The following DMRTC2 variants were observed in gnomAD, a reference collection of about 807,000 sequenced individuals.
DMRTC2 encodes doublesex- and mab-3-related transcription factor C2.
In DMRTC2, 13 loss-of-function variants were observed where a neutral mutation model predicts 39.9. The ratio of observed to expected loss-of-function variants is 0.33; its 90% CI spans 0.21 to 0.52. DMRTC2 has a LOEUF of 0.52. DMRTC2 is among the 20% of genes least tolerant of loss of function. The pLI is 0.96. For synonymous variants in DMRTC2, 189 were observed against 185.2 expected (o/e 1.02, Z -0.17); for missense variants, 431 against 472.8 (o/e 0.91, Z 0.82).
rs577669914 is a variant in DMRTC2 at position 41,845,642 on chromosome 19, C to T, written c.-5+541C>T. Among the ~76,000 whole-genome samples the T allele has an allele frequency of 3.3e-5, 5 of 152,310 alleles. No homozygotes were observed. In the South Asian group the frequency reaches 1.0e-3, roughly 32 times the overall value. On this transcript the variant is annotated intron_variant, in intron 1 of 8. Transcript: ENST00000269945. ...AGGAGTTCAAGACCAGCCTGGCCAA[C>T]ATGGTGAAACCCCATCTCTACTAAA...
intron 8 of DMRTC2, chr19:41,851,061 G>A (rs1555837288): frequency 3.8e-6 from 1 of 264,812 alleles, no homozygotes; most frequent in African/African-American, 2.2e-5. Context: ...GGTCTGATAA[G>A]TGCCTTCAAG....
chr19:41,848,097 G>A (rs191666076), intron 3 of DMRTC2, among the ~76,000 whole-genome samples: 13 of 152,252 alleles, frequency 8.5e-5, no homozygotes, highest in Admixed American at 4.6e-4. Context: ...CCTGTAATCC[G>A]AGCACTTTGG....
intron 4 of DMRTC2, 80 bp from the exon 5 acceptor site, chr19:41,848,715 G>T (rs782275818): frequency 2.5e-6 from 4 of 1,601,904 alleles, no homozygotes; most frequent in Non-Finnish European, 3.4e-6. Flanking sequence ...AAGTTTTGGG[G>T]TTCTGCCCGT....
Position 41,847,763 on chromosome 19 carries a change from G to T in DMRTC2, c.252G>T (p.Gln84His), listed in dbSNP as rs781834567. ...AGCGCCGCAGGGTCATGGCTGCCCA[G>T]GTGGCCTTGCGTAGGCAGCAGGAGG... ...ILERRRVMAA[Q>H]VALRRQQEAQ... is the part of the protein sequence containing the mutation. The change falls in exon 3 of 9, where the codon CAG (glutamine) becomes CAT (histidine). Residue 84 changes from glutamine to histidine, a missense_variant. By Grantham distance (24) the Gln-to-His change is conservative (BLOSUM62 0). Coordinates refer to ENST00000269945, the MANE Select transcript of DMRTC2 (RefSeq NM_001040283.3). The T allele has an allele frequency of 3.1e-6, 5 of 1,613,902 alleles. No homozygotes were observed. In the African/African-American group the frequency reaches 5.3e-5, roughly 17 times the overall value.
intron 1 of DMRTC2, among the ~76,000 whole-genome samples, chr19:41,846,942 G>A (rs1413480945): frequency 2.6e-5 from 4 of 151,800 alleles, no homozygotes; most frequent in East Asian, 4.0e-4. Context: ...TTGGGAGGCC[G>A]AGACAGGCAG....
chr19:41,850,263 G>A (rs1227480593), intron 6 of DMRTC2, 49 bp from the exon 7 acceptor site: 3 of 1,431,232 alleles, frequency 2.1e-6, no homozygotes, highest in Admixed American at 2.6e-5. Context: ...ATGTGTGCAT[G>A]TCTGTTCATC....
intron 1 of DMRTC2, among the ~76,000 whole-genome samples, chr19:41,845,684 GGGCGT>G: frequency 6.6e-6 from 1 of 152,294 alleles, no homozygotes; most frequent in South Asian, 2.1e-4. Flanking sequence ...AAAATTAGAC[GGGCGT>G]GGTGGCACAG....
Position 41,849,202 on chromosome 19 carries a change from T to C in DMRTC2, c.701T>C (p.Val234Ala), listed in dbSNP as rs782531854. ...ACCACCTGCCCAGGATCTCACCCAGTACTGACAGCTCCTCTTTCTGGAGAG... is the reference window on the plus strand; with the variant it reads ...ACCACCTGCCCAGGATCTCACCCAGCACTGACAGCTCCTCTTTCTGGAGAG... The part of the protein sequence containing the change: ...PFTTCPGSHP[V>A]LTAPLSGEPQ... The change falls in exon 6 of 9, where the codon GTA becomes GCA. Residue 234 changes from valine (V) to alanine (A), a missense_variant. Val to Ala is a moderately conservative substitution (Grantham distance 64, BLOSUM62 0). Coordinates refer to ENST00000269945, the MANE Select transcript of DMRTC2 (RefSeq NM_001040283.3). 9.3e-6 allele frequency: 15 copies of C among 1,614,130 alleles called. No homozygotes were observed. In the Admixed American group the frequency reaches 2.3e-4, roughly 25 times the overall value.
intron 7 of DMRTC2, 74 bp from the exon 8 acceptor site, chr19:41,850,452 C>T: frequency 6.4e-7 from 1 of 1,574,170 alleles, no homozygotes; most frequent in South Asian, 1.2e-5. Context: ...CTGAAGGAAG[C>T]AGGGGCTGAG....
At chr19:41,847,969 G>A in intron 3 of DMRTC2, 88 bp downstream of exon 3, 2 of 1,476,442 alleles carry the variant, frequency 1.4e-6, no homozygotes, top group Non-Finnish European at 1.8e-6. Flanking sequence ...TGCTGAATTG[G>A]TGTACGACCT....
At position 41,848,540 on chromosome 19, in the gene DMRTC2, C is replaced by A; in HGVS notation, c.447+12C>A. The A allele has an allele frequency of 6.4e-7, 1 of 1,560,426 alleles. No homozygotes were observed. Reference sequence around the variant, plus strand: ...CACCCCCCGGGAAGGTAAGGAGAGGCTGGGGCCTGAGAAAGTGTCCCCCAC... The same window carrying A: ...CACCCCCCGGGAAGGTAAGGAGAGGATGGGGCCTGAGAAAGTGTCCCCCAC... On this transcript the variant is annotated intron_variant, in intron 4 of 8. Coordinates refer to ENST00000269945, the MANE Select transcript of DMRTC2 (RefSeq NM_001040283.3).
At chr19:41,845,780 T>C (rs1356506956) in intron 1 of DMRTC2, among the ~76,000 whole-genome samples, 1 of 152,064 alleles carries the variant, frequency 6.6e-6, no homozygotes, top group Non-Finnish European at 1.5e-5. Context: ...TGAGCCGGGA[T>C]TGCACTACTG....
rs2073881367 is a variant in DMRTC2 at position 41,847,454 on chromosome 19, G to A, written c.26G>A (p.Gly9Asp). The change falls in exon 2 of 9, where the codon GGC (glycine) becomes GAC (aspartate). Residue 9 changes from glycine to aspartate, a missense_variant. Coordinates refer to ENST00000269945, the MANE Select transcript of DMRTC2 (RefSeq NM_001040283.3). ...ATGGAACCCAGTGACATGCCTGCTG[G>A]CTACCACTGCCCCTTAGACTCTGCC... MEPSDMPA[G>D]YHCPLDSAPW... is the part of the protein sequence containing the mutation. The A allele has an allele frequency of 6.3e-7, 1 of 1,582,944 alleles. No individual in the cohort carries two copies. The highest frequency in any genetic ancestry group is 1.4e-5 in the African/African-American group (1 of 73,880).
At chr19:41,847,294 G>C in intron 1 of DMRTC2, 131 bp from the exon 2 acceptor site, 1 of 1,363,992 alleles carries the variant, frequency 7.3e-7, no homozygotes, top group Non-Finnish European at 9.4e-7. Flanking sequence ...GAGAAAGCTG[G>C]GAAAGAAGCC....
At chr19:41,845,825 T>C (rs2073825159) in intron 1 of DMRTC2, among the ~76,000 whole-genome samples, 1 of 149,712 alleles carries the variant, frequency 6.7e-6, no homozygotes, top group South Asian at 2.1e-4. Flanking sequence ...AGACTCCATC[T>C]CAAAACAAAA....
chr19:41,850,799 G>GA, intron 8 of DMRTC2, 99 bp downstream of exon 8: 1 of 1,324,588 alleles, frequency 7.5e-7, no homozygotes, highest in Non-Finnish European at 1.0e-6. Flanking sequence ...TCGACAGGTT[G>GA]AACGTCTTCA....
intron 1 of DMRTC2, among the ~76,000 whole-genome samples, chr19:41,847,055 C>T (rs1219355054): frequency 1.3e-5 from 2 of 151,622 alleles, no homozygotes; most frequent in South Asian, 2.1e-4. Flanking sequence ...CATGGTGGCT[C>T]TTGCCTGTAA....
At chr19:41,849,355 G>A (rs193112246) in intron 6 of DMRTC2, 99 bp downstream of exon 6, 517 of 1,512,796 alleles carry the variant, frequency 3.4e-4, no homozygotes, top group Non-Finnish European at 4.2e-4. Context: ...AAGATGAAAA[G>A]GTCTCTGACT....
chr19:41,850,693 C>G lies in DMRTC2; in HGVS notation c.984C>G (p.Gly328=), dbSNP rs782609411. 3 of 1,572,894 alleles carry G rather than the reference C, an allele frequency of 1.9e-6. No individual in the cohort carries two copies. The highest frequency in any genetic ancestry group is 2.6e-6 in the Non-Finnish European group (3 of 1,161,162). ...PAWISLLHPC[G]PPAPAGGRGF... Reference sequence around the variant, plus strand: ...GGATCTCCCTGCTTCACCCCTGTGGCCCACCAGGTGGGCCATGAAAGGAGA... The same window carrying G: ...GGATCTCCCTGCTTCACCCCTGTGGGCCACCAGGTGGGCCATGAAAGGAGA... Residue 328 remains glycine, a synonymous_variant, in exon 8 of 9, where the codon GGC becomes GGG. Transcript: ENST00000269945.
Sources: gnomAD v4.1 joint callset for allele counts (sites outside exome capture counted in the v4.1 genomes callset) on GRCh38, gnomAD v4.1.1 for gene constraint, MANE v1.5 for transcripts, NCBI Gene and HGNC (gene_info 2026-07-23, HGNC 2026-07-21) for gene names.